Variants in CAGE1 observed in about 807,000 individuals in gnomAD.
The protein encoded by CAGE1 is cancer-associated gene 1 protein.
A neutral mutation model predicts 94.9 loss-of-function variants in CAGE1; 66 were observed. The observed-to-expected ratio is 0.70, with a 90% CI of 0.57 to 0.85. The LOEUF (loss-of-function observed/expected upper bound fraction) is 0.85, where lower values mean the gene tolerates loss of function less well. Ranked by LOEUF, CAGE1 falls within the 40% of genes least tolerant of loss-of-function variation. The pLI is 0.00. For missense variants in CAGE1, 865 were observed against 950.4 expected (o/e 0.91, Z 1.18); for synonymous variants, 319 against 321.0 (o/e 0.99, Z 0.07).
At position 7,378,961 on chromosome 6, in the gene CAGE1, T is replaced by C. The variant is rs767584206; in HGVS notation, c.343A>G (p.Ile115Val). The part of the protein sequence containing the change: ...ALIQPVDTIS[I>V]SSLRQFETVC... Reference sequence around the variant, plus strand: ...GTTTCAAATTGTCTCAAGGAAGATATGCTGATGGTGTCAACTGGCTGAATT... The same window carrying C: ...GTTTCAAATTGTCTCAAGGAAGATACGCTGATGGTGTCAACTGGCTGAATT... The change falls in exon 4 of 14, where the codon ATA becomes GTA. Residue 115 changes from isoleucine to valine, a missense_variant. Physicochemically the swap from Ile to Val is conservative, Grantham distance 29 (BLOSUM62 3). Transcript: ENST00000502583. The C allele has an allele frequency of 1.9e-6, 3 of 1,574,662 alleles. No homozygotes were observed. Among genetic ancestry groups the C allele is most frequent in the Non-Finnish European group, 2.6e-6 (3 of 1,158,500 alleles).
intron 11 of CAGE1, among the ~76,000 whole-genome samples, chr6:7,352,302 A>C (rs1402522118): frequency 2.9e-5 from 3 of 102,144 alleles, no homozygotes; most frequent in African/African-American, 8.6e-5. Context: ...AAAAAAAAAA[A>C]AAACAAAAAA....
In CAGE1 at chr6:7,376,360, G is replaced by A. The variant is rs1316087888; in HGVS notation, c.688-2229C>T. Reference sequence around the variant, plus strand: ...GCCAAGATGGTGCCACTGCACTGCAGCCTGGGCGACAGAGCGAGACTCCAT... The same window carrying A: ...GCCAAGATGGTGCCACTGCACTGCAACCTGGGCGACAGAGCGAGACTCCAT... On this transcript the variant is annotated intron_variant, in intron 4 of 13. Transcript: ENST00000502583. Among the ~76,000 whole-genome samples, 4 of 151,938 alleles carry A rather than the reference G, an allele frequency of 2.6e-5. No individual in the cohort carries two copies. In the East Asian group the frequency reaches 5.8e-4, roughly 22 times the overall value.
chr6:7,385,778 T>TA lies in CAGE1; in HGVS notation c.283+6dup. The TA allele has an allele frequency of 6.6e-7, 1 of 1,504,724 alleles. No homozygotes were observed. Among genetic ancestry groups the TA allele is most frequent in the Non-Finnish European group, 9.0e-7 (1 of 1,116,502 alleles). The allele number at this position is 1,504,724 out of a possible 1,614,324, so 93.2% of individuals were successfully genotyped here. On this transcript the variant is annotated splice_region_variant and intron_variant, in intron 3 of 13. Transcript: ENST00000502583. ...CTTTTGCATATTGCTAACAAGTAGA[T>TA]ACTTACCATTTAACAAATTGTCTAG... is the stretch of plus-strand genomic sequence containing the variant.
At chr6:7,367,467 G>A (rs1156976754) in intron 7 of CAGE1, among the ~76,000 whole-genome samples, 3 of 151,948 alleles carry the variant, frequency 2.0e-5, no homozygotes, top group South Asian at 2.1e-4. Flanking sequence ...TAGAGACGGA[G>A]TTTCCCCATG....
At chr6:7,360,093 T>A (rs974979602) in intron 9 of CAGE1, among the ~76,000 whole-genome samples, 1 of 152,180 alleles carries the variant, frequency 6.6e-6, no homozygotes, top group African/African-American at 2.4e-5. Flanking sequence ...CTTTGAATAT[T>A]CTTTAGTAGT....
At chr6:7,333,956 C>G in intron 12 of CAGE1, 66 bp downstream of exon 12, 2 of 1,048,582 alleles carry the variant, frequency 1.9e-6, no homozygotes, top group Non-Finnish European at 2.8e-6. Context: ...GCGTGAGCCA[C>G]CGCACTTGGC....
rs1334863938 is a variant in CAGE1 at position 7,389,684 on chromosome 6, G to T, written c.-506C>A. 1.6e-5 allele frequency: 7 copies of T among 451,572 alleles called. No individual in the cohort carries two copies. Among genetic ancestry groups the T allele is most frequent in the Non-Finnish European group, 2.9e-5 (7 of 245,608 alleles). 28.0% of individuals were successfully genotyped at this position (451,572 alleles called of 1,614,324 possible). Reference sequence around the variant, plus strand: ...CCTCGCCGTGCCGGCTACTCAACACGCCTTCCTGAGAGCACAGAACATCCA... The same window carrying T: ...CCTCGCCGTGCCGGCTACTCAACACTCCTTCCTGAGAGCACAGAACATCCA... On this transcript the variant is annotated 5_prime_UTR_variant, in exon 1 of 14. Transcript: ENST00000502583.
intron 11 of CAGE1, among the ~76,000 whole-genome samples, chr6:7,346,914 G>A (rs1759568871): frequency 6.6e-6 from 1 of 152,040 alleles, no homozygotes; most frequent in Non-Finnish European, 1.5e-5. Context: ...AGTTGACAAT[G>A]CTTATGATAA....
chr6:7,340,626 C>T (rs770435020), intron 11 of CAGE1, among the ~76,000 whole-genome samples: 5 of 152,146 alleles, frequency 3.3e-5, no homozygotes, highest in Non-Finnish European at 7.3e-5. Context: ...AGACAGCAGG[C>T]ACTCAGCTTA....
In CAGE1 at chr6:7,339,578, A is replaced by G; in HGVS notation, c.2370-5488T>C. 1 of 752,452 alleles carries G rather than the reference A, an allele frequency of 1.3e-6. No homozygotes were observed. The highest frequency in any genetic ancestry group is 2.5e-6 in the Non-Finnish European group (1 of 406,902). The allele number at this position is 752,452 out of a possible 1,614,324, so 46.6% of individuals were successfully genotyped here. On this transcript the variant is annotated intron_variant, in intron 11 of 13. Coordinates refer to ENST00000502583, the MANE Select transcript of CAGE1 (RefSeq NM_001170692.2). The surrounding 1 kb of genome is among the most constrained non-coding windows in gnomAD (Gnocchi z 4.7). ...AAATTTGTAAGGCGATCTTGCCGCCATGCTCCGCTGAAAGGAAAGGCACTG... is the reference window on the plus strand; with the variant it reads ...AAATTTGTAAGGCGATCTTGCCGCCGTGCTCCGCTGAAAGGAAAGGCACTG...
chr6:7,376,260 A>C (rs1760739154), intron 4 of CAGE1, among the ~76,000 whole-genome samples: 1 of 151,992 alleles, frequency 6.6e-6, no homozygotes, highest in Non-Finnish European at 1.5e-5. Context: ...GTGGTGGCAC[A>C]CACCTGTAAT....
At chr6:7,361,952 A>G (rs1388906684) in intron 9 of CAGE1, among the ~76,000 whole-genome samples, 1 of 152,234 alleles carries the variant, frequency 6.6e-6, no homozygotes, top group Non-Finnish European at 1.5e-5. Context: ...ACTATAAAGT[A>G]TACTCAAGGT....
Position 7,374,116 on chromosome 6 carries a change from T to G in CAGE1, c.703A>C (p.Lys235Gln). ...SFLCKTAVPS[K>Q]EIQNYGEIPE... ...ATCTCCCCATAATTCTGTATTTCTT[T>G]TGAAGGAACTGCAGTCTGTAAATTA... The change falls in exon 5 of 14, where the codon AAA becomes CAA. Residue 235 changes from lysine to glutamine, a missense_variant. Coordinates refer to ENST00000502583, the MANE Select transcript of CAGE1 (RefSeq NM_001170692.2). 1 of 1,612,120 alleles carries G rather than the reference T, an allele frequency of 6.2e-7. No homozygotes were observed. Among genetic ancestry groups the G allele is most frequent in the South Asian group, 1.1e-5 (1 of 90,970 alleles).
intron 3 of CAGE1, 33 bp from the exon 4 acceptor site, chr6:7,379,053 G>T: frequency 7.3e-7 from 1 of 1,366,974 alleles, no homozygotes; most frequent in Non-Finnish European, 9.7e-7. Flanking sequence ...AAATAAAAAC[G>T]AGTAGACCAT....
intron 3 of CAGE1, among the ~76,000 whole-genome samples, chr6:7,383,162 C>G (rs1761000750): frequency 6.6e-6 from 1 of 152,186 alleles, no homozygotes; most frequent in South Asian, 2.1e-4. Flanking sequence ...TTAAGACATG[C>G]CTTGCTTCCT....
intron 9 of CAGE1, among the ~76,000 whole-genome samples, chr6:7,360,392 C>G (rs1760127541): frequency 6.6e-6 from 1 of 152,118 alleles, no homozygotes; most frequent in Non-Finnish European, 1.5e-5. Context: ...GTATTTAGCT[C>G]TATCTAGGTC....
chr6:7,345,217 A>G (rs533633785), intron 11 of CAGE1, among the ~76,000 whole-genome samples: 8 of 150,526 alleles, frequency 5.3e-5, no homozygotes, highest in South Asian at 4.1e-4. Flanking sequence ...TGAAGTTAGT[A>G]TAAGCTACCA....
At chr6:7,366,681 G>A (rs1760350842) in intron 7 of CAGE1, among the ~76,000 whole-genome samples, 1 of 152,132 alleles carries the variant, frequency 6.6e-6, no homozygotes, top group Non-Finnish European at 1.5e-5. Context: ...ACTCCATGAG[G>A]ACTCTTGGAA....
chr6:7,365,571 A>G lies in CAGE1; in HGVS notation c.2090T>C (p.Ile697Thr), dbSNP rs192919356. 1.2e-4 allele frequency: 195 copies of G among 1,608,090 alleles called. No homozygotes were observed. Among genetic ancestry groups the G allele is most frequent in the Non-Finnish European group, 1.6e-4 (191 of 1,175,594 alleles). The change falls in exon 9 of 14, where the codon ATA (isoleucine) becomes ACA (threonine). Residue 697 changes from isoleucine to threonine, a missense_variant. Physicochemically the swap from Ile to Thr is moderately conservative, Grantham distance 89. Coordinates refer to ENST00000502583, the MANE Select transcript of CAGE1 (RefSeq NM_001170692.2). ...CTTGGCTTCATCTGAATCACAGTCT[A>G]TGACCTGAGATTAAATATATTTGTT... ...KAFQDHAIKV[I>T]DCDSDEAKSI...
Sources: gnomAD v4.1 joint callset for allele counts (sites outside exome capture counted in the v4.1 genomes callset) on GRCh38, gnomAD v4.1.1 for gene constraint, Gnocchi (gnomAD v3.1) non-coding constraint, MANE v1.5 for transcripts, NCBI Gene and HGNC (gene_info 2026-07-23, HGNC 2026-07-21) for gene names.